SVIP: variants seen among roughly 807,000 people sequenced by gnomAD.
SVIP encodes small VCP interacting protein, also known as small VCP/p97-interacting protein.
Under a neutral mutation model 12.9 loss-of-function variants are expected in SVIP, and 14 were observed. That is an observed-to-expected ratio of 1.08 (90% CI 0.72 to 1.70). SVIP has a LOEUF of 1.70. Among genes scored for constraint, SVIP ranks in the 40% most tolerant of loss-of-function variants. The pLI, the probability that SVIP is intolerant of heterozygous loss-of-function variation, is 0.00. For synonymous variants in SVIP, 35 were observed against 33.3 expected (o/e 1.05, Z -0.17); for missense variants, 93 against 90.8 (o/e 1.02, Z -0.10).
chr11:22,829,698 G>T lies in SVIP; in HGVS notation c.51C>A (p.Asp17Glu), dbSNP rs1319579118. ...CGCAGGGACCTGCTCTACTCACCAGGTCCGGCGTGGGAGGCGCGGACTCCC... is the reference window on the plus strand; with the variant it reads ...CGCAGGGACCTGCTCTACTCACCAGTTCCGGCGTGGGAGGCGCGGACTCCC... ...CPGESAPPTP[D>E]LEEKRAKLAE... Residue 17 changes from aspartate to glutamate, a missense_variant, in exon 1 of 4, where the codon GAC (aspartate) becomes GAA (glutamate). By Grantham distance (45) the Asp-to-Glu change is conservative (BLOSUM62 2). Coordinates refer to ENST00000354193, the MANE Select transcript of SVIP (RefSeq NM_148893.3). 2.5e-6 allele frequency: 4 copies of T among 1,602,102 alleles called. No individual in the cohort carries two copies. Among genetic ancestry groups the T allele is most frequent in the African/African-American group, 2.7e-5 (2 of 74,654 alleles).
intron 3 of SVIP, among the ~76,000 whole-genome samples, chr11:22,823,883 C>A (rs1257520883): frequency 6.6e-6 from 1 of 152,072 alleles, no homozygotes; most frequent in East Asian, 1.9e-4. Context: ...TGCCACCACA[C>A]CTAATTTATT....
chr11:22,823,337 T>C (rs1273255356), intron 3 of SVIP, among the ~76,000 whole-genome samples: 1 of 152,140 alleles, frequency 6.6e-6, no homozygotes, highest in African/African-American at 2.4e-5. Context: ...GAAGACAAAA[T>C]ATCTGGTCAG....
In SVIP at chr11:22,819,772, CA is replaced by C; in HGVS notation, c.*3346del. The C allele has an allele frequency of 6.6e-6, 1 of 152,444 alleles. No homozygotes were observed. Among genetic ancestry groups the C allele is most frequent in the Non-Finnish European group, 1.5e-5 (1 of 68,444 alleles). The allele number at this position is 152,444 out of a possible 1,614,324, so 9.4% of individuals were successfully genotyped here. A position where few individuals can be genotyped will look rare whatever the true frequency, so the allele number is the denominator to read the frequency against. Reference sequence around the variant, plus strand: ...GGGCAACAAGAGTGAAACTCCATCTCAAAAAACAAAACAAAACCAAAAAAAG... The same window carrying C: ...GGGCAACAAGAGTGAAACTCCATCTCAAAAACAAAACAAAACCAAAAAAAG... On this transcript the variant is annotated 3_prime_UTR_variant, in exon 4 of 4. Transcript: ENST00000354193.
chr11:22,828,329 T>A (rs1305771502), intron 1 of SVIP, among the ~76,000 whole-genome samples: 1 of 152,194 alleles, frequency 6.6e-6, no homozygotes, highest in Non-Finnish European at 1.5e-5. Flanking sequence ...TTGTTCCATA[T>A]CAGAAAACAG....
Position 22,822,967 on chromosome 11 carries a change from TCAA to T in SVIP, c.*149_*151del, listed in dbSNP as rs1329470006. The T allele has an allele frequency of 4.9e-6, 3 of 609,570 alleles. No individual in the cohort carries two copies. The highest frequency in any genetic ancestry group is 8.1e-6 in the Non-Finnish European group (3 of 371,226). The allele number at this position is 609,570 out of a possible 1,614,324, so 37.8% of individuals were successfully genotyped here. On this transcript the variant is annotated 3_prime_UTR_variant, in exon 4 of 4. Coordinates refer to ENST00000354193, the MANE Select transcript of SVIP (RefSeq NM_148893.3). ...TCTAGCCATTCTCTAAGCTTGAAAA[TCAA>T]CGTTTTTTTAGCATTGCACTTAAGG...
intron 1 of SVIP, among the ~76,000 whole-genome samples, chr11:22,828,269 C>G (rs1332567234): frequency 6.6e-6 from 1 of 152,066 alleles, no homozygotes; most frequent in African/African-American, 2.4e-5. Context: ...ATGAAGTGGG[C>G]TAATCTCAGT....
At chr11:22,829,581 C>T in intron 1 of SVIP, 114 bp downstream of exon 1, 2 of 1,101,938 alleles carry the variant, frequency 1.8e-6, no homozygotes, top group South Asian at 1.5e-5. Context: ...CTAGCAGGGT[C>T]CCCCAGCGGG....
chr11:22,827,941 A>G, intron 1 of SVIP, 67 bp from the exon 2 acceptor site: 3 of 1,234,718 alleles, frequency 2.4e-6, no homozygotes, highest in Non-Finnish European at 3.3e-6. Context: ...ATTCACATTT[A>G]TTTCATAGGC....
Position 22,820,692 on chromosome 11 carries a change from A to C in SVIP, c.*2427T>G, listed in dbSNP as rs1314722863. ...AACCATGTGTGAGAACTGTTAAATTACATTCCAAATACCAGCAGTGGAACA... is the reference window on the plus strand; with the variant it reads ...AACCATGTGTGAGAACTGTTAAATTCCATTCCAAATACCAGCAGTGGAACA... On this transcript the variant is annotated 3_prime_UTR_variant, in exon 4 of 4. Coordinates refer to ENST00000354193, the MANE Select transcript of SVIP (RefSeq NM_148893.3). The C allele has an allele frequency of 1.3e-5, 2 of 152,250 alleles. No individual in the cohort carries two copies. The highest frequency in any genetic ancestry group is 2.4e-5 in the African/African-American group (1 of 41,466). The allele number at this position is 152,250 out of a possible 1,614,324, so 9.4% of individuals were successfully genotyped here.
Position 22,820,944 on chromosome 11 carries a change from C to A in SVIP, c.*2175G>T, listed in dbSNP as rs1174339569. 1 of 151,674 alleles carries A rather than the reference C, an allele frequency of 6.6e-6. No individual in the cohort carries two copies. Among genetic ancestry groups the A allele is most frequent in the East Asian group, 1.9e-4 (1 of 5,166 alleles). The allele number at this position is 151,674 out of a possible 1,614,324, so 9.4% of individuals were successfully genotyped here. ...GCAACATTTTAAGCATTATAATTTTCTCCTAAATTATTTACTATGGGAAAT... is the reference window on the plus strand; with the variant it reads ...GCAACATTTTAAGCATTATAATTTTATCCTAAATTATTTACTATGGGAAAT... On this transcript the variant is annotated 3_prime_UTR_variant, in exon 4 of 4. Coordinates refer to ENST00000354193, the MANE Select transcript of SVIP (RefSeq NM_148893.3).
At chr11:22,825,964 A>G (rs922041867) in intron 3 of SVIP, among the ~76,000 whole-genome samples, 1 of 151,922 alleles carries the variant, frequency 6.6e-6, no homozygotes, top group African/African-American at 2.4e-5. Context: ...CTAGTGAAAC[A>G]GCACTTTATC....
intron 3 of SVIP, among the ~76,000 whole-genome samples, chr11:22,826,400 G>A (rs1246338267): frequency 6.6e-6 from 1 of 151,940 alleles, no homozygotes; most frequent in Non-Finnish European, 1.5e-5. Flanking sequence ...CAATAAATCT[G>A]TTGAAAGGTA....
At chr11:22,824,366 T>C (rs936875008) in intron 3 of SVIP, among the ~76,000 whole-genome samples, 4 of 151,148 alleles carry the variant, frequency 2.6e-5, no homozygotes, top group South Asian at 2.1e-4. Context: ...CCAGAGATAT[T>C]TGGCAATCTC....
Position 22,825,998 on chromosome 11 carries a change from A to G in SVIP, c.219+1209T>C, listed in dbSNP as rs1857685266. Among the ~76,000 whole-genome samples the G allele has an allele frequency of 1.3e-5, 2 of 152,182 alleles. 1 individual carries two copies. The highest frequency in any genetic ancestry group is 2.9e-5 in the Non-Finnish European group (2 of 68,026). On this transcript the variant is annotated intron_variant, in intron 3 of 3. Transcript: ENST00000354193. ...TCTCAACAGAATATTGAGATATGAT[A>G]AAGAATTGACCTCGTTATCACCCAA... is the stretch of plus-strand genomic sequence containing the variant.
chr11:22,828,249 A>G (rs1857796908), intron 1 of SVIP, among the ~76,000 whole-genome samples: 1 of 152,236 alleles, frequency 6.6e-6, no homozygotes, highest in African/African-American at 2.4e-5. Context: ...TTTTTAGGAA[A>G]GGTTAATAAA....
At position 22,820,070 on chromosome 11, in the gene SVIP, A is replaced by C. The variant is rs1203166741; in HGVS notation, c.*3049T>G. 1 of 152,228 alleles carries C rather than the reference A, an allele frequency of 6.6e-6. No homozygotes were observed. Among genetic ancestry groups the C allele is most frequent in the Non-Finnish European group, 1.5e-5 (1 of 68,040 alleles). The allele number at this position is 152,228 out of a possible 1,614,324, so 9.4% of individuals were successfully genotyped here. On this transcript the variant is annotated 3_prime_UTR_variant, in exon 4 of 4. Coordinates refer to ENST00000354193, the MANE Select transcript of SVIP (RefSeq NM_148893.3). ...GAGAAAATTGAAGAAAAAAGCCACA[A>C]TACTATATTTGAATTAGCTTAGAGC...
intron 1 of SVIP, 67 bp downstream of exon 1, chr11:22,829,628 C>G (rs980450913): frequency 6.7e-7 from 1 of 1,491,460 alleles, no homozygotes; most frequent in South Asian, 1.2e-5. Context: ...TGGCTCGGCC[C>G]GCCCCGCAAC....
chr11:22,824,495 T>TAC (rs1857616306), intron 3 of SVIP, among the ~76,000 whole-genome samples: 1 of 129,650 alleles, frequency 7.7e-6, no homozygotes, highest in East Asian at 3.2e-4. Flanking sequence ...TGTATATATA[T>TAC]ACGTATATAT....
rs1167549668 is a variant in SVIP at position 22,822,860 on chromosome 11, T to C, written c.*259A>G. On this transcript the variant is annotated 3_prime_UTR_variant, in exon 4 of 4. Coordinates refer to ENST00000354193, the MANE Select transcript of SVIP (RefSeq NM_148893.3). ...TATGTATATTCACTATTTAGTTCCA[T>C]TTTTTAACTACTAAGAAAAATAGCA... The C allele has an allele frequency of 4.6e-6, 2 of 430,426 alleles. No individual in the cohort carries two copies. Among genetic ancestry groups the C allele is most frequent in the Non-Finnish European group, 4.2e-6 (1 of 240,774 alleles). 26.7% of individuals were successfully genotyped at this position (430,426 alleles called of 1,614,324 possible). A position where few individuals can be genotyped will look rare whatever the true frequency, so the allele number is the denominator to read the frequency against.
Sources: allele counts gnomAD v4.1 joint callset (sites outside exome capture counted in the v4.1 genomes callset), GRCh38; gene constraint gnomAD v4.1.1; transcripts MANE v1.5; gene names NCBI Gene and HGNC (gene_info 2026-07-23, HGNC 2026-07-21).